GPM6B: variants seen among roughly 807,000 people sequenced by gnomAD.
GPM6B encodes neuronal membrane glycoprotein M6-b.
Under a neutral mutation model 27.2 loss-of-function variants are expected in GPM6B, and 4 were observed. That is an observed-to-expected ratio of 0.15 (90% confidence interval 0.07 to 0.34). The LOEUF (loss-of-function observed/expected upper bound fraction) is 0.34, where lower values mean the gene tolerates loss of function less well. Among genes scored for constraint, GPM6B ranks in the 10% least tolerant of loss-of-function variants. GPM6B has a pLI of 1.00. For synonymous variants in GPM6B, 124 were observed against 103.1 expected (o/e 1.20, Z -1.23); for missense variants, 183 against 261.9 (o/e 0.70, Z 2.08).
chrX:13,886,375 T>A (rs1021431614), intron 1 of GPM6B, among the ~76,000 whole-genome samples: 10 of 111,230 alleles, frequency 9.0e-5, no homozygotes, highest in African/African-American at 3.3e-4. Context: ...TTTTTTCATC[T>A]TTATGTTTAT....
intron 3 of GPM6B, 144 bp downstream of exon 3, chrX:13,785,478 G>A (rs1790356305): frequency 2.0e-6 from 1 of 501,371 alleles, no homozygotes; most frequent in Admixed American, 3.7e-5. Flanking sequence ...AGTAGAGGTG[G>A]CGTTTCACCA....
At chrX:13,879,728 G>A (rs770517971) in intron 1 of GPM6B, among the ~76,000 whole-genome samples, 71 of 112,191 alleles carry the variant, frequency 6.3e-4, no homozygotes, top group African/African-American at 2.3e-3. Context: ...TTTTTACTCT[G>A]AGCAATCATC....
At chrX:13,840,001 T>C (rs1156982216) in intron 1 of GPM6B, among the ~76,000 whole-genome samples, 2 of 111,345 alleles carry the variant, frequency 1.8e-5, no homozygotes, top group East Asian at 2.8e-4. Flanking sequence ...TAGAACAGAA[T>C]AGAACGCCCT....
chrX:13,871,708 G>A (rs1248270242), intron 1 of GPM6B, among the ~76,000 whole-genome samples: 1 of 112,604 alleles, frequency 8.9e-6, no homozygotes, highest in African/African-American at 3.2e-5. Context: ...CTAGCTACTT[G>A]TACTTTGTTA....
Position 13,774,499 on chromosome X carries a change from T to C in GPM6B, c.838-1469A>G, listed in dbSNP as rs774884955. 5.8e-6 allele frequency: 7 copies of C among 1,204,603 alleles called. No individual in the cohort carries two copies. In the South Asian group the frequency reaches 1.1e-4, roughly 18 times the overall value. On this transcript the variant is annotated intron_variant, in intron 7 of 7. Coordinates refer to ENST00000316715, the MANE Select transcript of GPM6B (RefSeq NM_001001995.3). ...CTGCTTTAGTCTGGAGTGTCAGTGA[T>C]ATTTCATGCTACAGAGCATAGCTCT... is the stretch of plus-strand genomic sequence containing the variant.
At chrX:13,831,725 C>G (rs16979300) in intron 1 of GPM6B, among the ~76,000 whole-genome samples, 1,820 of 111,711 alleles carry the variant, frequency 0.016, 38 homozygotes, top group African/African-American at 0.055. Flanking sequence ...TTTTCTCAGC[C>G]TTGATCTTAC....
intron 1 of GPM6B, among the ~76,000 whole-genome samples, chrX:13,888,100 T>C (rs761326224): frequency 8.9e-6 from 1 of 112,345 alleles, no homozygotes; most frequent in Admixed American, 9.4e-5. Context: ...TACCCAACTA[T>C]TTTTCAGTGA....
chrX:13,786,202 G>A (rs1188618194), intron 2 of GPM6B, among the ~76,000 whole-genome samples: 1 of 112,547 alleles, frequency 8.9e-6, no homozygotes, highest in Non-Finnish European at 1.9e-5. Flanking sequence ...GGACAGCAGT[G>A]AAGCTGCAGC....
chrX:13,925,113 T>C (rs1921103663), intron 1 of GPM6B, among the ~76,000 whole-genome samples: 1 of 111,610 alleles, frequency 9.0e-6, no homozygotes, highest in Non-Finnish European at 1.9e-5. Flanking sequence ...CCATGATGCA[T>C]CCCATACGTT....
At chrX:13,926,899 A>G (rs1203550911) in intron 1 of GPM6B, among the ~76,000 whole-genome samples, 5 of 112,131 alleles carry the variant, frequency 4.5e-5, no homozygotes, top group Non-Finnish European at 7.5e-5. Flanking sequence ...CAAGTCATAA[A>G]AAATTAAAGG....
chrX:13,843,538 T>G (rs2049606438), intron 1 of GPM6B, among the ~76,000 whole-genome samples: 1 of 112,427 alleles, frequency 8.9e-6, no homozygotes, highest in Admixed American at 9.4e-5. Flanking sequence ...CCAAAGCAGC[T>G]GTACCATTTT....
chrX:13,861,112 AT>A (rs1174973164), intron 1 of GPM6B, among the ~76,000 whole-genome samples: 1 of 103,579 alleles, frequency 9.7e-6, no homozygotes, highest in African/African-American at 3.7e-5. Context: ...ATATACACAC[AT>A]ATATATACAC....
chrX:13,836,036 G>A (rs1444187657), intron 1 of GPM6B, among the ~76,000 whole-genome samples: 3 of 112,018 alleles, frequency 2.7e-5, no homozygotes, highest in Non-Finnish European at 3.8e-5. Flanking sequence ...TTCAGAACAC[G>A]TGGCTCTCAA....
At chrX:13,899,961 C>T (rs1428112621) in intron 1 of GPM6B, among the ~76,000 whole-genome samples, 2 of 112,151 alleles carry the variant, frequency 1.8e-5, no homozygotes, top group Non-Finnish European at 3.8e-5. Context: ...CAAATCTACG[C>T]CTTCTTGTGT....
chrX:13,907,326 G>A (rs1603129004), intron 1 of GPM6B, among the ~76,000 whole-genome samples: 2 of 112,196 alleles, frequency 1.8e-5, no homozygotes, highest in East Asian at 2.8e-4. Context: ...CTAGTGAGGG[G>A]TAATACCAGG....
chrX:13,815,925 T>C (rs2049226095), intron 1 of GPM6B, among the ~76,000 whole-genome samples: 1 of 111,908 alleles, frequency 8.9e-6, no homozygotes, highest in Non-Finnish European at 1.9e-5. Flanking sequence ...GCATGATGGC[T>C]TTTTATATTA....
rs2048320052 is a variant in GPM6B at position 13,772,539 on chromosome X, C to T, written c.*342G>A. On this transcript the variant is annotated 3_prime_UTR_variant, in exon 8 of 8. Coordinates refer to ENST00000316715, the MANE Select transcript of GPM6B (RefSeq NM_001001995.3). Reference sequence around the variant, plus strand: ...GTCACAGGTCCTTATTAAGGAGTCACAGGTCCCTATTAAGGAGTGTGACAT... The same window carrying T: ...GTCACAGGTCCTTATTAAGGAGTCATAGGTCCCTATTAAGGAGTGTGACAT... 1 of 159,704 alleles carries T rather than the reference C, an allele frequency of 6.3e-6. No individual in the cohort carries two copies. The highest frequency in any genetic ancestry group is 3.0e-5 in the African/African-American group (1 of 33,177). 13.2% of individuals were successfully genotyped at this position (159,704 alleles called of 1,213,427 possible). A position where few individuals can be genotyped will look rare whatever the true frequency, so the allele number is the denominator to read the frequency against.
chrX:13,799,190 A>ATTTTTTTTTTTTTTTTTTCTTTTTT (rs2048871532), intron 2 of GPM6B, among the ~76,000 whole-genome samples: 1 of 35,957 alleles, frequency 2.8e-5, no homozygotes, highest in Non-Finnish European at 4.7e-5. Flanking sequence ...AGCCAACCTA[A>ATTTTTTTTTTTTTTTTTTCTTTTTT]TTTTTTTTTT....
At chrX:13,800,830 G>T (rs2048907820) in intron 2 of GPM6B, among the ~76,000 whole-genome samples, 1 of 110,117 alleles carries the variant, frequency 9.1e-6, no homozygotes, top group Non-Finnish European at 1.9e-5. Context: ...AGGGTAGGTG[G>T]GGACTGGGAA....
Sources: gnomAD v4.1 joint callset for allele counts (sites outside exome capture counted in the v4.1 genomes callset) on GRCh38, gnomAD v4.1.1 for gene constraint, MANE v1.5 for transcripts, NCBI Gene and HGNC (gene_info 2026-07-23, HGNC 2026-07-21) for gene names.